The following KIF13A variants were observed in gnomAD, a reference collection of about 807,000 sequenced individuals.
The protein encoded by KIF13A is kinesin-like protein KIF13A.
In KIF13A, 79 loss-of-function variants were observed where a neutral mutation model predicts 212.2. The ratio of observed to expected loss-of-function variants is 0.37; its 90% CI spans 0.31 to 0.45. KIF13A has a LOEUF of 0.45. KIF13A is among the 20% of genes least tolerant of loss of function. The pLI is 1.00. For missense variants in KIF13A, 1,901 were observed against 2,209.0 expected, an observed-to-expected ratio of 0.86 and a Z score of 2.79; for synonymous variants, 789 against 808.6, an observed-to-expected ratio of 0.98 and a Z score of 0.41.
chr6:17,769,180 A>G lies in KIF13A; in HGVS notation c.4581+1934T>C, dbSNP rs998400763. Among the ~76,000 whole-genome samples the G allele has an allele frequency of 1.3e-5, 2 of 152,220 alleles. No homozygotes were observed. The highest frequency in any genetic ancestry group is 2.9e-5 in the Non-Finnish European group (2 of 68,036). ...AAGAAAACAGTCTGTACCCATTTATAAGAGAAAAAACAAAATTAAAGTTTC... is the reference window on the plus strand; with the variant it reads ...AAGAAAACAGTCTGTACCCATTTATGAGAGAAAAAACAAAATTAAAGTTTC... On this transcript the variant is annotated intron_variant, in intron 38 of 38. Coordinates refer to ENST00000259711, the MANE Select transcript of KIF13A (RefSeq NM_022113.6). This position sits in a 1 kb window ranked among gnomAD's most constrained non-coding sequence, Gnocchi z 5.8.
chr6:17,771,253 C>T lies in KIF13A; in HGVS notation c.4477-35G>A. ...TTAAGACACACAGATGCATCACACACAAAGACGACAACGGCCAAAATACAT... is the reference window on the plus strand; with the variant it reads ...TTAAGACACACAGATGCATCACACATAAAGACGACAACGGCCAAAATACAT... On this transcript the variant is annotated intron_variant, in intron 37 of 38. Transcript: ENST00000259711. This position sits in a 1 kb window ranked among gnomAD's most constrained non-coding sequence, Gnocchi z 5.4. 2.1e-6 allele frequency: 3 copies of T among 1,405,572 alleles called. No homozygotes were observed. Among genetic ancestry groups the T allele is most frequent in the Non-Finnish European group, 3.0e-6 (3 of 998,644 alleles). The allele number at this position is 1,405,572 out of a possible 1,614,324, so 87.1% of individuals were successfully genotyped here.
At chr6:17,833,400 G>A (rs1765630089) in intron 12 of KIF13A, among the ~76,000 whole-genome samples, 1 of 151,618 alleles carries the variant, frequency 6.6e-6, no homozygotes, top group Non-Finnish European at 1.5e-5. Flanking sequence ...GGGGACTGAG[G>A]GAGGAGAATC....
chr6:17,953,466 T>C (rs772506009), intron 2 of KIF13A: 2 of 152,180 alleles, frequency 1.3e-5, no homozygotes, highest in Non-Finnish European at 2.9e-5. Context: ...TGTCATGTAA[T>C]GGAAATTACA....
intron 2 of KIF13A, among the ~76,000 whole-genome samples, chr6:17,958,880 T>C (rs909215611): frequency 8.5e-6 from 1 of 117,404 alleles, no homozygotes. Flanking sequence ...CTTTTTCTTT[T>C]TTTTTTTTTT....
intron 20 of KIF13A, among the ~76,000 whole-genome samples, chr6:17,803,799 G>C (rs1019060362): frequency 2.8e-4 from 43 of 152,150 alleles, no homozygotes; most frequent in African/African-American, 1.0e-3. Flanking sequence ...TTTCCCATTT[G>C]ATTAAAACAA....
chr6:17,808,386 A>AAAACAAACAAAC lies in KIF13A; in HGVS notation c.2163+370_2163+381dup, dbSNP rs3076207. Among the ~76,000 whole-genome samples the AAAACAAACAAAC allele has an allele frequency of 9.4e-3, 1,416 of 150,926 alleles. 13 individuals carry two copies. The highest frequency in any genetic ancestry group is 0.018 in the South Asian group (85 of 4,766). Reference sequence around the variant, plus strand: ...GGGTGACAGAGCAAGACTCAGTCTAAAAACAAACAAACAAACAAACAAACA... The same window carrying AAAACAAACAAAC: ...GGGTGACAGAGCAAGACTCAGTCTAAAAACAAACAAACAAACAAACAAACAAACAAACAAACA... On this transcript the variant is annotated intron_variant, in intron 18 of 38. Coordinates refer to ENST00000259711, the MANE Select transcript of KIF13A (RefSeq NM_022113.6).
chr6:17,863,424 T>G (rs1769039776), intron 4 of KIF13A, among the ~76,000 whole-genome samples: 1 of 150,950 alleles, frequency 6.6e-6, no homozygotes, highest in East Asian at 1.9e-4. Context: ...AAACCCAATA[T>G]AAAAAACTAT....
intron 2 of KIF13A, among the ~76,000 whole-genome samples, chr6:17,924,535 G>A (rs527805028): frequency 1.7e-4 from 26 of 152,212 alleles, no homozygotes; most frequent in African/African-American, 4.6e-4. Context: ...AATAGGACTC[G>A]CAGGAAAAAT....
rs892285740 is a variant in KIF13A, at chr6:17,918,322, T to C, written c.147-20142A>G. 6.6e-6 allele frequency among the ~76,000 whole-genome samples: 1 copy of C among 152,218 alleles called. No individual in the cohort carries two copies. The highest frequency in any genetic ancestry group is 6.5e-5 in the Admixed American group (1 of 15,278). Reference sequence around the variant, plus strand: ...TGCATAAAAAATAGTCTCAGAACTGTAGACCAAAAGAATGTAAATGTCCCA... The same window carrying C: ...TGCATAAAAAATAGTCTCAGAACTGCAGACCAAAAGAATGTAAATGTCCCA... On this transcript the variant is annotated intron_variant, in intron 2 of 38. Coordinates refer to ENST00000259711, the MANE Select transcript of KIF13A (RefSeq NM_022113.6). This position sits in a 1 kb window ranked among gnomAD's most constrained non-coding sequence, Gnocchi z 4.8.
chr6:17,959,164 A>C (rs772879115), intron 2 of KIF13A, among the ~76,000 whole-genome samples: 2 of 152,140 alleles, frequency 1.3e-5, no homozygotes, highest in Admixed American at 6.5e-5. Context: ...TCACTGTTTA[A>C]GGAGCTACAT....
chr6:17,766,546 T>C (rs145540444), intron 38 of KIF13A, among the ~76,000 whole-genome samples: 4 of 152,168 alleles, frequency 2.6e-5, no homozygotes, highest in Non-Finnish European at 4.4e-5. Flanking sequence ...CTAGGATTTA[T>C]TTATTTTTAT....
intron 3 of KIF13A, among the ~76,000 whole-genome samples, chr6:17,884,923 T>G (rs1042373979): frequency 6.6e-6 from 1 of 152,208 alleles, no homozygotes; most frequent in African/African-American, 2.4e-5. Flanking sequence ...CTTTGTCAAT[T>G]TGAAAGACTA....
At chr6:17,887,123 G>A (rs900204856) in intron 3 of KIF13A, among the ~76,000 whole-genome samples, 1 of 96,128 alleles carries the variant, frequency 1.0e-5, no homozygotes. Context: ...TATGAACAAA[G>A]TGACATATGC....
At chr6:17,904,472 A>T (rs1345653259) in intron 2 of KIF13A, among the ~76,000 whole-genome samples, 4 of 152,244 alleles carry the variant, frequency 2.6e-5, no homozygotes, top group African/African-American at 9.6e-5. Context: ...TGACTTAAAA[A>T]TAAAAAAGAA....
In KIF13A at chr6:17,833,953, C is replaced by T. The variant is rs1371256215; in HGVS notation, c.1266+8G>A. ...TCCCAATATTTTAGGGCTAAATTAT[C>T]AAGCTACCTGTGCTATCTCTTCTGT... On this transcript the variant is annotated splice_region_variant and intron_variant, in intron 12 of 38. Transcript: ENST00000259711. 1 of 1,448,958 alleles carries T rather than the reference C, an allele frequency of 6.9e-7. No homozygotes were observed. Among genetic ancestry groups the T allele is most frequent in the Admixed American group, 2.3e-5 (1 of 43,562 alleles). 89.8% of individuals were successfully genotyped at this position (1,448,958 alleles called of 1,614,324 possible).
chr6:17,913,435 C>T (rs994647936), intron 2 of KIF13A, among the ~76,000 whole-genome samples: 2 of 152,158 alleles, frequency 1.3e-5, no homozygotes, highest in Non-Finnish European at 2.9e-5. Context: ...CTTGCTCTTA[C>T]AGCAATTTAG....
At chr6:17,840,220 A>G (rs1045773404) in intron 9 of KIF13A, among the ~76,000 whole-genome samples, 1 of 152,124 alleles carries the variant, frequency 6.6e-6, no homozygotes, top group African/African-American at 2.4e-5. Flanking sequence ...GGTGAATTAT[A>G]TTGTATGTGA....
Position 17,806,398 on chromosome 6 carries a change from T to C in KIF13A, c.2164-783A>G, listed in dbSNP as rs1054694827. Among the ~76,000 whole-genome samples, 6 of 152,232 alleles carry C rather than the reference T, an allele frequency of 3.9e-5. No homozygotes were observed. In the East Asian group the frequency reaches 7.7e-4, roughly 20 times the overall value. On this transcript the variant is annotated intron_variant, in intron 18 of 38. Transcript: ENST00000259711. ...GTATAAATCTCTATGGACACTTCTA[T>C]GACTATGGGCTTAGAATAAATTTCC...
rs1561970012 is a variant in KIF13A at position 17,785,941 on chromosome 6, T to G, written c.3362-300A>C. Among the ~76,000 whole-genome samples the G allele has an allele frequency of 6.6e-6, 1 of 151,928 alleles. No individual in the cohort carries two copies. Among genetic ancestry groups the G allele is most frequent in the Non-Finnish European group, 1.5e-5 (1 of 67,968 alleles). ...TCAAAAAACAAGCAAACAAAAACAATAAACAGATTTCACTCAGTGCTATCT... is the reference window on the plus strand; with the variant it reads ...TCAAAAAACAAGCAAACAAAAACAAGAAACAGATTTCACTCAGTGCTATCT... On this transcript the variant is annotated intron_variant, in intron 27 of 38. Coordinates refer to ENST00000259711, the MANE Select transcript of KIF13A (RefSeq NM_022113.6). The surrounding 1 kb of genome is among the most constrained non-coding windows in gnomAD (Gnocchi z 5.8).
Sources: gnomAD v4.1 joint callset for allele counts (sites outside exome capture counted in the v4.1 genomes callset) on GRCh38, gnomAD v4.1.1 for gene constraint, Gnocchi (gnomAD v3.1) non-coding constraint, MANE v1.5 for transcripts, NCBI Gene and HGNC (gene_info 2026-07-23, HGNC 2026-07-21) for gene names.